Variants in LSAMP observed in about 807,000 individuals in gnomAD.
LSAMP encodes limbic system associated membrane protein, also known as limbic system-associated membrane protein.
In LSAMP, 7 loss-of-function variants were observed where a neutral mutation model predicts 38.6. That is an observed-to-expected ratio of 0.18 (90% CI 0.10 to 0.34). LSAMP has a LOEUF of 0.34. LSAMP is among the 10% of genes least tolerant of loss of function. The probability of loss-of-function intolerance (pLI) is 1.00; values close to 1 mark genes in which losing one functional copy is unlikely to be tolerated. For missense variants in LSAMP, 313 were observed against 420.0 expected, an observed-to-expected ratio of 0.75 and a Z score of 2.23; for synonymous variants, 154 against 166.8, an observed-to-expected ratio of 0.92 and a Z score of 0.59.
chr3:115,961,136 A>G (rs1482920594), intron 3 of LSAMP, among the ~76,000 whole-genome samples: 1 of 152,238 alleles, frequency 6.6e-6, no homozygotes, highest in East Asian at 1.9e-4. Flanking sequence ...AAGCTGAGAG[A>G]GGAGTGGAAG....
chr3:116,163,486 T>G (rs1709952061), intron 1 of LSAMP, among the ~76,000 whole-genome samples: 1 of 150,666 alleles, frequency 6.6e-6, no homozygotes, highest in Non-Finnish European at 1.5e-5. Flanking sequence ...TGTTGGACAT[T>G]TGGGTTGGTT....
chr3:116,142,118 C>T (rs1342735113), intron 1 of LSAMP, among the ~76,000 whole-genome samples: 1 of 151,986 alleles, frequency 6.6e-6, no homozygotes, highest in Non-Finnish European at 1.5e-5. Flanking sequence ...GATTTAAACA[C>T]TTATAGCATG....
chr3:116,019,935 T>C (rs1338046908), intron 2 of LSAMP, among the ~76,000 whole-genome samples: 2 of 152,182 alleles, frequency 1.3e-5, no homozygotes, highest in Non-Finnish European at 2.9e-5. Flanking sequence ...ATGGACCTTA[T>C]TTAGATATTA....
intron 1 of LSAMP, among the ~76,000 whole-genome samples, chr3:116,220,185 AACACAC>A (rs3974285): frequency 7.8e-5 from 11 of 141,454 alleles, no homozygotes; most frequent in South Asian, 4.7e-4. Context: ...TCCATCTCAA[AACACAC>A]ACACACACAC....
At chr3:116,158,647 G>T (rs1255249071) in intron 1 of LSAMP, among the ~76,000 whole-genome samples, 1 of 152,048 alleles carries the variant, frequency 6.6e-6, no homozygotes, top group Admixed American at 6.6e-5. Context: ...AACCAGGGAG[G>T]TGAAAGACCT....
chr3:115,969,346 G>A (rs1296902867), intron 3 of LSAMP, among the ~76,000 whole-genome samples: 1 of 152,146 alleles, frequency 6.6e-6, no homozygotes, highest in Non-Finnish European at 1.5e-5. Flanking sequence ...GAGTAGGCAG[G>A]GCAGAGTAGC....
intron 4 of LSAMP, among the ~76,000 whole-genome samples, chr3:115,848,015 T>C (rs1935215122): frequency 6.6e-6 from 1 of 151,622 alleles, no homozygotes; most frequent in Non-Finnish European, 1.5e-5. Context: ...GGGTTGTTAC[T>C]GAATATTTCC....
intron 1 of LSAMP, among the ~76,000 whole-genome samples, chr3:116,181,256 C>A (rs1710479163): frequency 6.6e-6 from 1 of 151,906 alleles, no homozygotes; most frequent in South Asian, 2.1e-4. Flanking sequence ...ACAACACTGC[C>A]AAACAATTCA....
At position 116,110,813 on chromosome 3, in the gene LSAMP, G is replaced by T. The variant is rs533900150; in HGVS notation, c.156-24257C>A. On this transcript the variant is annotated intron_variant, in intron 1 of 6. Coordinates refer to ENST00000490035, the MANE Select transcript of LSAMP (RefSeq NM_002338.5). ...ATGGCACCAAATTTCATGCGCGTCC[G>T]TGTGAAGAGACCACCAAACAGGCTT... Among the ~76,000 whole-genome samples the T allele has an allele frequency of 3.3e-5, 5 of 152,268 alleles. No homozygotes were observed. The South Asian group carries it at 8.3e-4, about 25-fold the overall frequency.
chr3:116,008,874 A>G (rs1331434812), intron 3 of LSAMP, among the ~76,000 whole-genome samples: 1 of 151,956 alleles, frequency 6.6e-6, no homozygotes, highest in Non-Finnish European at 1.5e-5. Context: ...GCACCTGGGG[A>G]TCTTGAGGAA....
chr3:116,401,089 T>A (rs2107826301), intron 1 of LSAMP, among the ~76,000 whole-genome samples: 1 of 152,304 alleles, frequency 6.6e-6, no homozygotes, highest in Middle Eastern at 3.4e-3. Context: ...CTCCAGGACA[T>A]CCAGGATATG....
intron 2 of LSAMP, among the ~76,000 whole-genome samples, chr3:116,046,915 G>C (rs1941301290): frequency 6.6e-6 from 1 of 151,980 alleles, no homozygotes; most frequent in Non-Finnish European, 1.5e-5. Context: ...CTATTCCAGG[G>C]GCTCACTCAT....
intron 1 of LSAMP, among the ~76,000 whole-genome samples, chr3:116,152,162 G>A (rs1709627843): frequency 6.6e-6 from 1 of 151,998 alleles, no homozygotes; most frequent in Non-Finnish European, 1.5e-5. Flanking sequence ...GGCTTTAAAC[G>A]TTGTAAATGC....
intron 4 of LSAMP, among the ~76,000 whole-genome samples, chr3:115,848,980 G>C (rs1935245820): frequency 6.6e-6 from 1 of 152,188 alleles, no homozygotes; most frequent in Admixed American, 6.5e-5. Context: ...TGGGCACTAG[G>C]ATGAGTCAAG....
intron 3 of LSAMP, among the ~76,000 whole-genome samples, chr3:115,969,435 A>G (rs1213734437): frequency 6.6e-6 from 1 of 152,186 alleles, no homozygotes; most frequent in Non-Finnish European, 1.5e-5. Flanking sequence ...CATAACCTTC[A>G]TATTGAAGTA....
At chr3:115,937,762 C>G (rs947189901) in intron 3 of LSAMP, among the ~76,000 whole-genome samples, 1 of 149,768 alleles carries the variant, frequency 6.7e-6, no homozygotes, top group Non-Finnish European at 1.5e-5. Flanking sequence ...AAGGGAAGCC[C>G]GCAGCATGCT....
intron 1 of LSAMP, among the ~76,000 whole-genome samples, chr3:116,119,643 T>G (rs907539535): frequency 6.7e-6 from 1 of 149,380 alleles, no homozygotes; most frequent in Non-Finnish European, 1.5e-5. Flanking sequence ...GCTAAAGAGA[T>G]AATTTCTTTT....
intron 3 of LSAMP, among the ~76,000 whole-genome samples, chr3:115,950,666 G>C (rs1385778436): frequency 6.6e-6 from 1 of 151,752 alleles, no homozygotes; most frequent in African/African-American, 2.4e-5. Flanking sequence ...TGACCATACT[G>C]CCAAAAGCAA....
chr3:116,394,559 G>T (rs911793298), intron 1 of LSAMP, among the ~76,000 whole-genome samples: 1 of 152,066 alleles, frequency 6.6e-6, no homozygotes, highest in African/African-American at 2.4e-5. Flanking sequence ...CTATAATTTT[G>T]ACTCATTAGA....
Sources: gnomAD v4.1 joint callset for allele counts (sites outside exome capture counted in the v4.1 genomes callset) on GRCh38, gnomAD v4.1.1 for gene constraint, MANE v1.5 for transcripts, NCBI Gene and HGNC (gene_info 2026-07-23, HGNC 2026-07-21) for gene names.